MALRD1: variants seen among roughly 807,000 people sequenced by gnomAD.
The protein encoded by MALRD1 is MAM and LDL-receptor class A domain-containing protein 1.
MALRD1 carries 247 observed loss-of-function variants against 242.1 expected under a neutral mutation model. The observed-to-expected ratio is 1.02, with a 90% confidence interval of 0.92 to 1.13. The LOEUF is 1.13. Among genes scored for constraint, MALRD1 ranks in the 50% most tolerant of loss-of-function variants. The pLI is 0.00. For missense variants in MALRD1, 2,989 were observed against 2,533.1 expected (o/e 1.18, Z -3.86); for synonymous variants, 995 against 866.6 (o/e 1.15, Z -2.60).
At chr10:19,370,273 G>T (rs1264999729) in intron 26 of MALRD1, among the ~76,000 whole-genome samples, 1 of 151,902 alleles carries the variant, frequency 6.6e-6, no homozygotes, top group Non-Finnish European at 1.5e-5. Context: ...GACCCTACTG[G>T]GATATTGATT....
chr10:19,204,572 G>A lies in MALRD1; in HGVS notation c.2210+159G>A, dbSNP rs16918348. Among the ~76,000 whole-genome samples, 1,282 of 152,138 alleles carry A rather than the reference G, an allele frequency of 8.4e-3. 14 individuals are homozygous for A. The highest frequency in any genetic ancestry group is 0.029 in the African/African-American group (1,213 of 41,498). On this transcript the variant is annotated intron_variant, in intron 16 of 39. Coordinates refer to ENST00000454679, the MANE Select transcript of MALRD1 (RefSeq NM_001142308.3). ...ATTCATATGATTTTAATTTTACCTA[G>A]GAGCGTGTTCTCAGTATATGTTGTT...
intron 32 of MALRD1, among the ~76,000 whole-genome samples, chr10:19,531,786 G>A (rs528064280): frequency 8.5e-5 from 13 of 152,182 alleles, no homozygotes; most frequent in Admixed American, 1.3e-4. Flanking sequence ...ATCAACATGC[G>A]CGCTCTATTT....
chr10:19,233,026 A>T (rs1249382862), intron 18 of MALRD1, among the ~76,000 whole-genome samples: 3 of 152,208 alleles, frequency 2.0e-5, no homozygotes, highest in Admixed American at 6.5e-5. Flanking sequence ...TTGCTTAATT[A>T]AAAAACAATT....
rs1254775928 is a variant in MALRD1, at chr10:19,692,867, T to TTA, written c.6314+332_6314+333dup. ...ATATGAAATTTATATATAGATGAAA[T>TTA]TATATATATATATATATATAATTTC... On this transcript the variant is annotated intron_variant, in intron 38 of 39. Coordinates refer to ENST00000454679, the MANE Select transcript of MALRD1 (RefSeq NM_001142308.3). 6.9e-3 allele frequency among the ~76,000 whole-genome samples: 203 copies of TTA among 29,630 alleles called. 6 individuals are homozygous for TTA. The highest frequency in any genetic ancestry group is 0.016 in the African/African-American group (143 of 9,010). 19.4% of individuals were successfully genotyped at this position (29,630 alleles called of 152,430 possible).
chr10:19,714,358 G>A (rs565958259), intron 38 of MALRD1, among the ~76,000 whole-genome samples: 9 of 152,254 alleles, frequency 5.9e-5, no homozygotes, highest in East Asian at 3.9e-4. Context: ...ACTCCGCATC[G>A]TTCAGCTGGT....
intron 25 of MALRD1, among the ~76,000 whole-genome samples, chr10:19,348,591 A>G (rs1224930513): frequency 6.6e-6 from 1 of 152,182 alleles, no homozygotes; most frequent in Non-Finnish European, 1.5e-5. Context: ...TCATGAAAAC[A>G]TCTATGGAGA....
At chr10:19,175,844 T>A (rs541646745) in intron 14 of MALRD1, among the ~76,000 whole-genome samples, 2 of 152,274 alleles carry the variant, frequency 1.3e-5, no homozygotes, top group Non-Finnish European at 2.9e-5. Flanking sequence ...CAGATGGAGT[T>A]TGTCTAATTC....
chr10:19,729,157 A>G (rs532283662), intron 38 of MALRD1, among the ~76,000 whole-genome samples: 4 of 152,322 alleles, frequency 2.6e-5, no homozygotes, highest in Non-Finnish European at 5.9e-5. Flanking sequence ...GGGACAATGT[A>G]TTGCCAGCCA....
At chr10:19,285,108 T>G (rs1166141955) in intron 21 of MALRD1, among the ~76,000 whole-genome samples, 1 of 138,364 alleles carries the variant, frequency 7.2e-6, no homozygotes, top group South Asian at 2.5e-4. Flanking sequence ...TGTTTGTTTT[T>G]TTCTTGTAAA....
At chr10:19,672,598 A>G (rs1841973654) in intron 36 of MALRD1, among the ~76,000 whole-genome samples, 1 of 151,434 alleles carries the variant, frequency 6.6e-6, no homozygotes, top group East Asian at 1.9e-4. Context: ...TAATTTTTGT[A>G]TTTTTAGTAG....
intron 21 of MALRD1, among the ~76,000 whole-genome samples, chr10:19,292,118 C>CT (rs1841466361): frequency 6.7e-6 from 1 of 150,004 alleles, no homozygotes; most frequent in South Asian, 2.1e-4. Flanking sequence ...TTTGTGTGTC[C>CT]TAAAGGAACT....
At chr10:19,189,381 G>T (rs913928422) in intron 14 of MALRD1, among the ~76,000 whole-genome samples, 1 of 151,992 alleles carries the variant, frequency 6.6e-6, no homozygotes, top group African/African-American at 2.4e-5. Context: ...AGTTTGCCAA[G>T]TATGTAAAAA....
At chr10:19,519,459 T>G (rs2131312340) in intron 31 of MALRD1, among the ~76,000 whole-genome samples, 1 of 152,266 alleles carries the variant, frequency 6.6e-6, no homozygotes, top group Middle Eastern at 3.4e-3. Context: ...AGTATCATCT[T>G]TTAAAAATAA....
intron 32 of MALRD1, 113 bp from the exon 33 acceptor site, chr10:19,567,389 C>A: frequency 1.2e-6 from 1 of 855,154 alleles, no homozygotes; most frequent in Non-Finnish European, 1.8e-6. Flanking sequence ...ATACAATAGT[C>A]AATGTATTGA....
chr10:19,313,784 T>C (rs144839322), intron 21 of MALRD1, among the ~76,000 whole-genome samples: 2,417 of 151,618 alleles, frequency 0.016, 32 homozygotes, highest in Admixed American at 0.026. Context: ...CCATAAAGTG[T>C]TATTCTCCAG....
chr10:19,603,266 C>T (rs1038470632), intron 34 of MALRD1, among the ~76,000 whole-genome samples: 1 of 152,090 alleles, frequency 6.6e-6, no homozygotes, highest in Non-Finnish European at 1.5e-5. Context: ...GAAGTCCTTG[C>T]CCATGCCTAT....
intron 1 of MALRD1, among the ~76,000 whole-genome samples, chr10:19,054,810 CTTAAA>C: frequency 6.6e-6 from 1 of 152,274 alleles, no homozygotes; most frequent in East Asian, 1.9e-4. Context: ...TTGATGTACA[CTTAAA>C]TTGATTCTAC....
intron 33 of MALRD1, among the ~76,000 whole-genome samples, chr10:19,574,314 G>A (rs1287158605): frequency 2.6e-5 from 4 of 152,142 alleles, no homozygotes; most frequent in Admixed American, 1.3e-4. Flanking sequence ...TTCCTGTTAT[G>A]CAGTAAGCAT....
intron 21 of MALRD1, among the ~76,000 whole-genome samples, chr10:19,288,535 A>G (rs939394231): frequency 5.9e-5 from 9 of 151,870 alleles, no homozygotes; most frequent in African/African-American, 2.2e-4. Context: ...TGCTCCTCAC[A>G]TATACATGGT....
Sources: gnomAD v4.1 joint callset for allele counts (sites outside exome capture counted in the v4.1 genomes callset) on GRCh38, gnomAD v4.1.1 for gene constraint, MANE v1.5 for transcripts, NCBI Gene and HGNC (gene_info 2026-07-23, HGNC 2026-07-21) for gene names.